The following MPC2 variants were observed in gnomAD, a reference collection of about 807,000 sequenced individuals.
MPC2 encodes mitochondrial pyruvate carrier 2.
A neutral mutation model predicts 19.2 loss-of-function variants in MPC2; 19 were observed. The ratio of observed to expected loss-of-function variants is 0.99; its 90% CI spans 0.69 to 1.45. The LOEUF (loss-of-function observed/expected upper bound fraction) is 1.45. Ranked by LOEUF, MPC2 falls within the 40% of genes most tolerant of loss-of-function variation. MPC2 has a pLI of 0.00. For missense variants in MPC2, 122 were observed against 153.0 expected (o/e 0.80, Z 1.07); for synonymous variants, 61 against 54.3 (o/e 1.12, Z -0.54).
chr1:167,936,081 C>A, intron 1 of MPC2, 183 bp from the exon 2 acceptor site: 2 of 563,324 alleles, frequency 3.6e-6, no homozygotes, highest in South Asian at 2.1e-5. Flanking sequence ...CTCCGGCCCC[C>A]GGCAGGAGAG....
At chr1:167,936,903 G>T (rs757463143) in intron 1 of MPC2, 36 bp downstream of exon 1, 7 of 1,592,992 alleles carry the variant, frequency 4.4e-6, no homozygotes, top group Non-Finnish European at 6.0e-6. Flanking sequence ...ACCCGGCTCA[G>T]GCAGAGCCAT....
chr1:167,926,606 C>T (rs185650357), intron 2 of MPC2, among the ~76,000 whole-genome samples: 1 of 152,284 alleles, frequency 6.6e-6, no homozygotes, highest in East Asian at 1.9e-4. Context: ...ACTGTGGTGC[C>T]CCAACTGCTG....
At chr1:167,936,069 G>A in intron 1 of MPC2, 171 bp from the exon 2 acceptor site, 1 of 577,386 alleles carries the variant, frequency 1.7e-6, no homozygotes, top group Admixed American at 3.1e-5. Context: ...CCCCCGGTCC[G>A]CCTCCGGCCC....
chr1:167,925,442 CATATATATATATATAT>C lies in MPC2; in HGVS notation c.110-921_110-906del, dbSNP rs369657697. ...TATAATATACAGATATACATATACACATATATATATATATATATATATATATATATATACATATACA... is the reference window on the plus strand; with the variant it reads ...TATAATATACAGATATACATATACACATATATATATATATATACATATACA... On this transcript the variant is annotated intron_variant, in intron 2 of 5. Coordinates refer to ENST00000271373, the MANE Select transcript of MPC2 (RefSeq NM_001143674.4). Among the ~76,000 whole-genome samples the C allele has an allele frequency of 7.9e-4, 65 of 82,478 alleles. 1 individual carries two copies. The highest frequency in any genetic ancestry group is 1.1e-3 in the African/African-American group (21 of 19,716). 54.1% of individuals were successfully genotyped at this position (82,478 alleles called of 152,430 possible).
At chr1:167,930,005 A>G (rs1423123212) in intron 2 of MPC2, among the ~76,000 whole-genome samples, 1 of 152,228 alleles carries the variant, frequency 6.6e-6, no homozygotes. Context: ...AAATCCTTAG[A>G]ATATGTAAAG....
chr1:167,936,861 C>CA, intron 1 of MPC2, 78 bp downstream of exon 1: 11 of 1,442,134 alleles, frequency 7.6e-6, no homozygotes, highest in African/African-American at 1.4e-5. Flanking sequence ...CCTCCCCCTC[C>CA]TCCCCTCCCC....
At chr1:167,935,045 C>G (rs935504318) in intron 2 of MPC2, among the ~76,000 whole-genome samples, 1 of 152,006 alleles carries the variant, frequency 6.6e-6, no homozygotes. Context: ...TTCTCATAGA[C>G]CGCGTATTAC....
intron 3 of MPC2, among the ~76,000 whole-genome samples, chr1:167,923,202 T>C (rs939798005): frequency 1.3e-5 from 2 of 152,198 alleles, no homozygotes; most frequent in African/African-American, 4.8e-5. Context: ...GGGTGTATAC[T>C]AAGAAGAATT....
chr1:167,919,343 A>G (rs924656738), intron 5 of MPC2, among the ~76,000 whole-genome samples: 25 of 152,214 alleles, frequency 1.6e-4, no homozygotes, highest in African/African-American at 5.3e-4. Context: ...AATGGAGAGT[A>G]GTATAAAAGC....
chr1:167,930,477 A>C (rs1190215777), intron 2 of MPC2, among the ~76,000 whole-genome samples: 2 of 152,222 alleles, frequency 1.3e-5, no homozygotes, highest in Non-Finnish European at 2.9e-5. Context: ...TAGATCCCTA[A>C]ATCCTAATCT....
chr1:167,929,404 TG>T (rs1440068256), intron 2 of MPC2, among the ~76,000 whole-genome samples: 1 of 152,188 alleles, frequency 6.6e-6, no homozygotes, highest in Non-Finnish European at 1.5e-5. Flanking sequence ...CTATGAACTA[TG>T]TTCAAGAATG....
At chr1:167,928,557 C>T (rs2102549441) in intron 2 of MPC2, among the ~76,000 whole-genome samples, 1 of 152,196 alleles carries the variant, frequency 6.6e-6, no homozygotes, top group South Asian at 2.1e-4. Context: ...AAAAACATTC[C>T]AACTTACTTC....
chr1:167,920,680 A>AT, intron 3 of MPC2, 49 bp from the exon 4 acceptor site: 8 of 1,555,198 alleles, frequency 5.1e-6, no homozygotes, highest in Non-Finnish European at 7.0e-6. Flanking sequence ...ATGTGGAGTA[A>AT]TAGTTTTAAC....
intron 2 of MPC2, among the ~76,000 whole-genome samples, chr1:167,932,830 AAAG>A (rs1418093132): frequency 6.6e-6 from 1 of 151,664 alleles, no homozygotes; most frequent in Non-Finnish European, 1.5e-5. Flanking sequence ...AAAAAAAAGA[AAAG>A]AAAAGAAAAG....
At chr1:167,934,215 C>T (rs2102562950) in intron 2 of MPC2, among the ~76,000 whole-genome samples, 1 of 152,220 alleles carries the variant, frequency 6.6e-6, no homozygotes, top group Non-Finnish European at 1.5e-5. Context: ...AAACTAAAGG[C>T]TTGGAAAGGA....
intron 3 of MPC2, among the ~76,000 whole-genome samples, chr1:167,921,622 C>T (rs1338694439): frequency 6.6e-6 from 1 of 152,088 alleles, no homozygotes; most frequent in Non-Finnish European, 1.5e-5. Context: ...TTTTTGCTCC[C>T]ACCAGATGAG....
intron 2 of MPC2, among the ~76,000 whole-genome samples, chr1:167,934,427 A>G (rs1671002707): frequency 6.6e-6 from 1 of 152,212 alleles, no homozygotes; most frequent in Non-Finnish European, 1.5e-5. Context: ...GCCACAAAAC[A>G]CAGCATAATT....
rs1195168760 is a variant in MPC2, at chr1:167,917,070, T to G, written c.*1253A>C. On this transcript the variant is annotated 3_prime_UTR_variant, in exon 6 of 6. Transcript: ENST00000271373. The stretch of plus-strand genomic sequence containing the variant: ...TCATTTCTTCAAATTTTGAAATAAC[T>G]TGCTTTGCTGACTCATCTGACTATA... 1.3e-5 allele frequency: 2 copies of G among 152,242 alleles called. No homozygotes were observed. The highest frequency in any genetic ancestry group is 2.4e-5 in the African/African-American group (1 of 41,470). The allele number at this position is 152,242 out of a possible 1,614,324, so 9.4% of individuals were successfully genotyped here.
At chr1:167,936,072 T>C (rs1490535500) in intron 1 of MPC2, 174 bp from the exon 2 acceptor site, 15 of 573,626 alleles carry the variant, frequency 2.6e-5, no homozygotes, top group Middle Eastern at 4.8e-4. Flanking sequence ...CCGGTCCGCC[T>C]CCGGCCCCCG....
Sources: allele counts gnomAD v4.1 joint callset (sites outside exome capture counted in the v4.1 genomes callset), GRCh38; gene constraint gnomAD v4.1.1; transcripts MANE v1.5; gene names NCBI Gene and HGNC (gene_info 2026-07-23, HGNC 2026-07-21).